The following MSL2 variants were observed in gnomAD, a reference collection of about 807,000 sequenced individuals.
The protein encoded by MSL2 is MSL complex subunit 2, also known as E3 ubiquitin-protein ligase MSL2.
Under a neutral mutation model 35.8 loss-of-function variants are expected in MSL2, and 2 were observed. The observed-to-expected ratio is 0.06, with a 90% CI of 0.02 to 0.18. The LOEUF (loss-of-function observed/expected upper bound fraction) is 0.18, where lower values mean the gene tolerates loss of function less well. Among genes scored for constraint, MSL2 ranks in the 10% least tolerant of loss-of-function variants. The pLI, the probability that MSL2 is intolerant of heterozygous loss-of-function variation, is 1.00. For synonymous variants in MSL2, 296 were observed against 255.7 expected, an observed-to-expected ratio of 1.16 and a Z score of -1.50; for missense variants, 523 against 706.7, an observed-to-expected ratio of 0.74 and a Z score of 2.95.
chr3:136,190,891 T>C (rs576238489), intron 1 of MSL2, among the ~76,000 whole-genome samples: 10 of 152,328 alleles, frequency 6.6e-5, no homozygotes, highest in African/African-American at 2.4e-4. Context: ...GAAAGTACAG[T>C]AATTCTCTAC....
intron 1 of MSL2, among the ~76,000 whole-genome samples, chr3:136,180,796 GGGAGGGAGGGAGGGAA>G (rs1940327714): frequency 4.7e-5 from 2 of 42,810 alleles, no homozygotes; most frequent in African/African-American, 9.2e-5. Context: ...GAGGGAGGGA[GGGAGGGAGGGAGGGAA>G]GGAGGGAAGG....
At chr3:136,170,245 C>A (rs1157779424) in intron 1 of MSL2, among the ~76,000 whole-genome samples, 2 of 146,256 alleles carry the variant, frequency 1.4e-5, no homozygotes, top group Non-Finnish European at 3.0e-5. Context: ...CCCATCTACT[C>A]AGGAGGCTGA....
chr3:136,183,818 AAG>A (rs1940435048), intron 1 of MSL2, among the ~76,000 whole-genome samples: 1 of 152,236 alleles, frequency 6.6e-6, no homozygotes, highest in African/African-American at 2.4e-5. Flanking sequence ...CAAAACTACT[AAG>A]AGTCTGTAAG....
At position 136,161,146 on chromosome 3, in the gene MSL2, CAAAGTA is replaced by C. The variant is rs930217126; in HGVS notation, c.143-8414_143-8409del. 1.7e-3 allele frequency among the ~76,000 whole-genome samples: 259 copies of C among 152,208 alleles called. 1 individual carries two copies. The highest frequency in any genetic ancestry group is 5.2e-3 in the African/African-American group (216 of 41,530). ...TGAAAATATGCTCAATATTATTAGTCAAAGTAAAACTGTGGCACACTACTGCCCACC... is the reference window on the plus strand; with the variant it reads ...TGAAAATATGCTCAATATTATTAGTCAAACTGTGGCACACTACTGCCCACC... On this transcript the variant is annotated intron_variant, in intron 1 of 1. Transcript: ENST00000309993.
intron 1 of MSL2, among the ~76,000 whole-genome samples, chr3:136,176,480 A>G (rs900718987): frequency 2.8e-5 from 4 of 143,348 alleles, no homozygotes; most frequent in African/African-American, 8.0e-5. Context: ...GTGTCACTGC[A>G]CTCCAGCCTG....
chr3:136,159,616 C>T (rs1350626608), intron 1 of MSL2, among the ~76,000 whole-genome samples: 3 of 151,458 alleles, frequency 2.0e-5, no homozygotes, highest in Admixed American at 6.6e-5. Flanking sequence ...GTGATCCGCC[C>T]GCCTCGGCCT....
intron 1 of MSL2, among the ~76,000 whole-genome samples, chr3:136,189,541 A>G (rs977268293): frequency 4.0e-5 from 6 of 150,012 alleles, no homozygotes; most frequent in Admixed American, 6.7e-5. Context: ...TGGCTAACAC[A>G]GTGAAACCCC....
chr3:136,174,840 A>G (rs1346159775), intron 1 of MSL2, among the ~76,000 whole-genome samples: 2 of 152,242 alleles, frequency 1.3e-5, no homozygotes. Flanking sequence ...TAATATGTAT[A>G]TGTATATTAA....
At chr3:136,183,837 G>T (rs1237085119) in intron 1 of MSL2, among the ~76,000 whole-genome samples, 2 of 152,140 alleles carry the variant, frequency 1.3e-5, no homozygotes, top group African/African-American at 4.8e-5. Flanking sequence ...TAAGAACAGA[G>T]AAAATAATGA....
chr3:136,150,961 G>T lies in MSL2; in HGVS notation c.*186C>A. 1 of 620,040 alleles carries T rather than the reference G, an allele frequency of 1.6e-6. No individual in the cohort carries two copies. The highest frequency in any genetic ancestry group is 2.8e-6 in the Non-Finnish European group (1 of 357,622). 38.4% of individuals were successfully genotyped at this position (620,040 alleles called of 1,614,324 possible). A position where few individuals can be genotyped will look rare whatever the true frequency, so the allele number is the denominator to read the frequency against. ...CTGTAAGAACTAAGGACATATAGTT[G>T]TAGGGTTACTCCTCCATTATCTGCA... is the stretch of plus-strand genomic sequence containing the variant. On this transcript the variant is annotated 3_prime_UTR_variant, in exon 2 of 2. Transcript: ENST00000309993.
At chr3:136,158,960 A>G (rs930821873) in intron 1 of MSL2, among the ~76,000 whole-genome samples, 24 of 152,250 alleles carry the variant, frequency 1.6e-4, no homozygotes, top group African/African-American at 5.8e-4. Flanking sequence ...AAGAGTATCT[A>G]AACAGACATG....
rs1339452030 is a variant in MSL2, at chr3:136,151,087, T to C, written c.*60A>G. The C allele has an allele frequency of 9.6e-6, 15 of 1,556,880 alleles. No individual in the cohort carries two copies. In the Admixed American group the frequency reaches 1.2e-4, roughly 13 times the overall value. On this transcript the variant is annotated 3_prime_UTR_variant, in exon 2 of 2. Transcript: ENST00000309993. This position sits in a 1 kb window ranked among gnomAD's most constrained non-coding sequence, Gnocchi z 5.2. ...CCGGCAAGTTAAACCAACAGAACCA[T>C]AGCTGCCGTAAAACTGTAGCTATTT...
chr3:136,187,410 C>G (rs752420193), intron 1 of MSL2, among the ~76,000 whole-genome samples: 28 of 152,110 alleles, frequency 1.8e-4, no homozygotes, highest in Non-Finnish European at 2.6e-4. Flanking sequence ...CGCCTGTAAT[C>G]CTAGCACTTT....
At chr3:136,192,367 T>C (rs1940715109) in intron 1 of MSL2, among the ~76,000 whole-genome samples, 1 of 151,964 alleles carries the variant, frequency 6.6e-6, no homozygotes, top group African/African-American at 2.4e-5. Context: ...TTAGTAGAGA[T>C]GGGGTTTCAC....
chr3:136,177,431 CT>C (rs1192893320), intron 1 of MSL2, among the ~76,000 whole-genome samples: 1 of 152,036 alleles, frequency 6.6e-6, no homozygotes, highest in African/African-American at 2.4e-5. Flanking sequence ...TCCCAGCACC[CT>C]GGGAGGCTGA....
chr3:136,151,899 A>C lies in MSL2; in HGVS notation c.982T>G (p.Cys328Gly). 3 of 1,614,192 alleles carry C rather than the reference A, an allele frequency of 1.9e-6. No homozygotes were observed. The highest frequency in any genetic ancestry group is 2.5e-6 in the Non-Finnish European group (3 of 1,180,042). The stretch of plus-strand genomic sequence containing the variant: ...GCTATCTTCGGAGTTGCTGCTGTAC[A>C]TGATAACCCATGAAGTGCAGGACTG... Reference protein sequence around the residue: ...STSPALHGLSCTAATPKIAKL... With the variant: ...STSPALHGLSGTAATPKIAKL... Residue 328 changes from cysteine to glycine, a missense_variant, in exon 2 of 2, where the codon TGT (cysteine) becomes GGT (glycine). By Grantham distance (159) the Cys-to-Gly change is radical. Coordinates refer to ENST00000309993, the MANE Select transcript of MSL2 (RefSeq NM_018133.4). This position sits in a 1 kb window ranked among gnomAD's most constrained non-coding sequence, Gnocchi z 5.2.
chr3:136,167,881 G>A (rs898734218), intron 1 of MSL2, among the ~76,000 whole-genome samples: 7 of 152,090 alleles, frequency 4.6e-5, no homozygotes, highest in African/African-American at 7.2e-5. Flanking sequence ...TAACAGTACA[G>A]AATCAAACAG....
chr3:136,158,242 G>A (rs1576356968), intron 1 of MSL2, among the ~76,000 whole-genome samples: 2 of 151,816 alleles, frequency 1.3e-5, no homozygotes, highest in East Asian at 1.9e-4. Context: ...AATCCAGGAG[G>A]CGGAGGCTGC....
chr3:136,186,391 G>T (rs1940525360), intron 1 of MSL2, among the ~76,000 whole-genome samples: 1 of 152,056 alleles, frequency 6.6e-6, no homozygotes, highest in Non-Finnish European at 1.5e-5. Flanking sequence ...TTCTAATCAG[G>T]GGTCCCTAAG....
Sources: allele counts gnomAD v4.1 joint callset (sites outside exome capture counted in the v4.1 genomes callset), GRCh38; gene constraint gnomAD v4.1.1; non-coding constraint Gnocchi (gnomAD v3.1); transcripts MANE v1.5; gene names NCBI Gene and HGNC (gene_info 2026-07-23, HGNC 2026-07-21).